Variants in PLCB1 observed in about 807,000 individuals in gnomAD.
PLCB1 encodes 1-phosphatidylinositol 4,5-bisphosphate phosphodiesterase beta-1.
PLCB1 carries 46 observed loss-of-function variants against 161.8 expected under a neutral mutation model. The observed-to-expected ratio is 0.28, with a 90% confidence interval of 0.22 to 0.36. The LOEUF (loss-of-function observed/expected upper bound fraction) is 0.36, where lower values mean the gene tolerates loss of function less well. Among genes scored for constraint, PLCB1 ranks in the 10% least tolerant of loss-of-function variants. The pLI is 1.00. For missense variants in PLCB1, 1,016 were observed against 1,472.5 expected, an observed-to-expected ratio of 0.69 and a Z score of 5.07; for synonymous variants, 517 against 503.7, an observed-to-expected ratio of 1.03 and a Z score of -0.35.
rs1823379729 is a variant in PLCB1, at chr20:8,841,575, C to G, written c.3424-40047C>G. Among the ~76,000 whole-genome samples, 3 of 152,180 alleles carry G rather than the reference C, an allele frequency of 2.0e-5. No individual in the cohort carries two copies. The South Asian group carries it at 6.2e-4, about 32-fold the overall frequency. On this transcript the variant is annotated intron_variant, in intron 31 of 31. Transcript: ENST00000338037. ...TATCAAGTTTTTTCTGCCTTCCTAC[C>G]TCTGTCTTTCCGTAAGACAAATCCT...
chr20:8,334,173 C>T (rs903758783), intron 2 of PLCB1, among the ~76,000 whole-genome samples: 5 of 151,664 alleles, frequency 3.3e-5, no homozygotes, highest in Non-Finnish European at 5.9e-5. Context: ...CGCGCCATTG[C>T]ACTCCAGCCT....
At chr20:8,793,146 G>T (rs948075772) in intron 31 of PLCB1, among the ~76,000 whole-genome samples, 3 of 152,172 alleles carry the variant, frequency 2.0e-5, no homozygotes, top group Admixed American at 6.5e-5. Context: ...CTGATCAATA[G>T]TATCTCTAAA....
chr20:8,610,543 T>C (rs1367282421), intron 3 of PLCB1, among the ~76,000 whole-genome samples: 1 of 152,174 alleles, frequency 6.6e-6, no homozygotes, highest in Non-Finnish European at 1.5e-5. Context: ...TTTAACATCT[T>C]AAGGAGTTGC....
At chr20:8,364,090 T>C (rs1406925309) in intron 2 of PLCB1, among the ~76,000 whole-genome samples, 1 of 152,148 alleles carries the variant, frequency 6.6e-6, no homozygotes, top group Non-Finnish European at 1.5e-5. Flanking sequence ...CCGAGCAGAC[T>C]CTTTAGATTA....
At chr20:8,196,131 C>T (rs1043266849) in intron 2 of PLCB1, among the ~76,000 whole-genome samples, 1 of 152,088 alleles carries the variant, frequency 6.6e-6, no homozygotes, top group Non-Finnish European at 1.5e-5. Context: ...TCCACCTGGC[C>T]CCTCCCTTGA....
chr20:8,391,818 T>TAC (rs1987610712), intron 3 of PLCB1, among the ~76,000 whole-genome samples: 5 of 118,262 alleles, frequency 4.2e-5, no homozygotes, highest in Middle Eastern at 4.5e-3. Flanking sequence ...TATATATATA[T>TAC]ATATATACAC....
At chr20:8,261,649 C>T in intron 2 of PLCB1, among the ~76,000 whole-genome samples, 1 of 152,010 alleles carries the variant, frequency 6.6e-6, no homozygotes, top group East Asian at 1.9e-4. Flanking sequence ...GAATAACCAA[C>T]CCACCTAATT....
In PLCB1 at chr20:8,307,718, C is replaced by T. The variant is rs539647378; in HGVS notation, c.178-63664C>T. Among the ~76,000 whole-genome samples the T allele has an allele frequency of 6.6e-5, 10 of 151,978 alleles. No homozygotes were observed. The East Asian group carries it at 1.4e-3, about 21-fold the overall frequency. ...GGTGGATCACCTGAGGTCAGGTGTT[C>T]GAGACCAGCCTGGTCCAACATGGTA... is the stretch of plus-strand genomic sequence containing the variant. On this transcript the variant is annotated intron_variant, in intron 2 of 31. Transcript: ENST00000338037.
chr20:8,140,798 T>C lies in PLCB1; in HGVS notation c.99+8048T>C, dbSNP rs1360935798. On this transcript the variant is annotated intron_variant, in intron 1 of 31. Transcript: ENST00000338037. ...AACAACAACAACAAAAAACTTTTTA[T>C]TTTTTTATTTTTTTTTTTAGACGGA... Among the ~76,000 whole-genome samples the C allele has an allele frequency of 2.0e-5, 3 of 152,058 alleles. No homozygotes were observed. In the East Asian group the frequency reaches 5.8e-4, roughly 29 times the overall value.
intron 31 of PLCB1, among the ~76,000 whole-genome samples, chr20:8,793,210 G>A (rs548509736): frequency 4.6e-5 from 7 of 152,310 alleles, no homozygotes; most frequent in East Asian, 1.9e-4. Context: ...GAGTGATTTC[G>A]TGACATCTAG....
In PLCB1 at chr20:8,228,698, TTATC is replaced by T. The variant is rs781323140; in HGVS notation, c.177+78331_177+78334del. Among the ~76,000 whole-genome samples the T allele has an allele frequency of 5.5e-3, 836 of 151,622 alleles. 4 individuals carry two copies. The highest frequency in any genetic ancestry group is 0.011 in the East Asian group (58 of 5,160). On this transcript the variant is annotated intron_variant, in intron 2 of 31. Transcript: ENST00000338037. ...CTAATTTTTTTTTGTATTTATTTAT[TTATC>T]TATTTGTAGAGACAAGGTTCATGTT...
intron 3 of PLCB1, among the ~76,000 whole-genome samples, chr20:8,555,031 T>C (rs1985905011): frequency 6.6e-6 from 1 of 152,122 alleles, no homozygotes; most frequent in Non-Finnish European, 1.5e-5. Flanking sequence ...AGTTAAAATG[T>C]CACAAATCTC....
At chr20:8,136,701 T>C (rs1225772043) in intron 1 of PLCB1, among the ~76,000 whole-genome samples, 2 of 152,168 alleles carry the variant, frequency 1.3e-5, no homozygotes, top group Non-Finnish European at 1.5e-5. Flanking sequence ...GCAGGTGTTC[T>C]ATGGCTCTTT....
At chr20:8,367,108 A>G (rs1568648447) in intron 2 of PLCB1, among the ~76,000 whole-genome samples, 1 of 152,198 alleles carries the variant, frequency 6.6e-6, no homozygotes, top group Non-Finnish European at 1.5e-5. Flanking sequence ...TTGTCATTCA[A>G]TAGTTTTTTC....
chr20:8,765,394 C>A, intron 26 of PLCB1, 36 bp downstream of exon 26: 2 of 1,441,668 alleles, frequency 1.4e-6, no homozygotes, highest in Non-Finnish European at 1.9e-6. Context: ...GGTTTCATAG[C>A]ATGAAGAGTT....
At chr20:8,495,452 C>T (rs1983126757) in intron 3 of PLCB1, among the ~76,000 whole-genome samples, 1 of 136,884 alleles carries the variant, frequency 7.3e-6, no homozygotes, top group African/African-American at 2.9e-5. Flanking sequence ...GGATGGGGTG[C>T]AGTGGTGCCA....
At chr20:8,555,372 C>G (rs1403072008) in intron 3 of PLCB1, among the ~76,000 whole-genome samples, 1 of 152,032 alleles carries the variant, frequency 6.6e-6, no homozygotes, top group African/African-American at 2.4e-5. Context: ...CACTCTCCAC[C>G]TACACTCCTC....
At chr20:8,194,500 A>C (rs936473251) in intron 2 of PLCB1, among the ~76,000 whole-genome samples, 1 of 152,094 alleles carries the variant, frequency 6.6e-6, no homozygotes, top group Non-Finnish European at 1.5e-5. Flanking sequence ...AATATGCAGA[A>C]TCTCAATCAT....
chr20:8,628,318 G>T lies in PLCB1; in HGVS notation c.271G>T (p.Asp91Tyr), dbSNP rs1426617271. 1 of 1,613,866 alleles carries T rather than the reference G, an allele frequency of 6.2e-7. No homozygotes were observed. Among genetic ancestry groups the T allele is most frequent in the East Asian group, 2.2e-5 (1 of 44,864 alleles). ...GGACCCCAAATTACGTGAACTTTTG[G>T]ATGTGGGGAACATCGGGCGCCTGGA... ...PKDPKLRELL[D>Y]VGNIGRLEQR... Residue 91 changes from aspartate (D) to tyrosine (Y), a missense_variant, in exon 4 of 32, where the codon GAT (aspartate) becomes TAT (tyrosine). Asp to Tyr is a radical substitution (Grantham distance 160). Coordinates refer to ENST00000338037, the MANE Select transcript of PLCB1 (RefSeq NM_015192.4).
Sources: allele counts gnomAD v4.1 joint callset (sites outside exome capture counted in the v4.1 genomes callset), GRCh38; gene constraint gnomAD v4.1.1; transcripts MANE v1.5; gene names NCBI Gene and HGNC (gene_info 2026-07-23, HGNC 2026-07-21).